Variants in PDHX observed in about 807,000 individuals in gnomAD.
PDHX encodes pyruvate dehydrogenase complex component X, also known as pyruvate dehydrogenase protein X component, mitochondrial.
In PDHX, 33 loss-of-function variants were observed where a neutral mutation model predicts 55.3. That is an observed-to-expected ratio of 0.60 (90% CI 0.45 to 0.80). PDHX has a LOEUF of 0.80. PDHX is among the 30% of genes least tolerant of loss of function. PDHX has a pLI of 0.00. For missense variants in PDHX, 622 were observed against 619.9 expected, an observed-to-expected ratio of 1.00 and a Z score of -0.04; for synonymous variants, 226 against 219.4, an observed-to-expected ratio of 1.03 and a Z score of -0.27.
At chr11:34,961,329 C>G (rs1166525609) in intron 5 of PDHX, among the ~76,000 whole-genome samples, 1 of 152,116 alleles carries the variant, frequency 6.6e-6, no homozygotes, top group Non-Finnish European at 1.5e-5. Flanking sequence ...GGCCCCTGTT[C>G]TGTTGAAACT....
intron 7 of PDHX, among the ~76,000 whole-genome samples, chr11:34,971,751 A>AT (rs1431937920): frequency 2.0e-5 from 3 of 151,834 alleles, no homozygotes; most frequent in Non-Finnish European, 1.5e-5. Flanking sequence ...TTCTGGAGAC[A>AT]TTTTTTCAGA....
At chr11:34,955,843 T>C (rs2133971366) in intron 3 of PDHX, among the ~76,000 whole-genome samples, 1 of 152,282 alleles carries the variant, frequency 6.6e-6, no homozygotes, top group East Asian at 1.9e-4. Flanking sequence ...AATGATGTTC[T>C]TTGTACTTGG....
intron 1 of PDHX, among the ~76,000 whole-genome samples, chr11:34,924,038 A>T (rs1565147460): frequency 6.6e-6 from 1 of 152,190 alleles, no homozygotes; most frequent in Admixed American, 6.5e-5. Context: ...CTGTGAATGC[A>T]TCTCTCATTA....
rs184065449 is a variant in PDHX at position 34,980,713 on chromosome 11, C to A, written c.1023+2531C>A. The stretch of plus-strand genomic sequence containing the variant: ...CAATTGAAAAGCAATGTGAAGGTAG[C>A]CTTGCAATGGAAATGAGCGTAGCAT... On this transcript the variant is annotated intron_variant, in intron 8 of 10. Coordinates refer to ENST00000227868, the MANE Select transcript of PDHX (RefSeq NM_003477.3). Among the ~76,000 whole-genome samples the A allele has an allele frequency of 7.2e-5, 11 of 152,066 alleles. No individual in the cohort carries two copies. In the East Asian group the frequency reaches 2.1e-3, roughly 29 times the overall value.
chr11:34,972,430 C>T (rs1855276993), intron 7 of PDHX, among the ~76,000 whole-genome samples: 1 of 149,256 alleles, frequency 6.7e-6, no homozygotes, highest in African/African-American at 2.5e-5. Context: ...CAGGGTCTTG[C>T]TGTGTCACCC....
intron 1 of PDHX, among the ~76,000 whole-genome samples, chr11:34,920,995 T>C (rs1482781107): frequency 6.6e-6 from 1 of 152,194 alleles, no homozygotes; most frequent in Non-Finnish European, 1.5e-5. Flanking sequence ...ACTTCTTTGA[T>C]AGAGTTAATG....
chr11:34,937,368 C>T (rs781663117), intron 2 of PDHX, among the ~76,000 whole-genome samples: 2 of 151,400 alleles, frequency 1.3e-5, no homozygotes, highest in Non-Finnish European at 2.9e-5. Flanking sequence ...CAAGTGTCCC[C>T]ACATCTGGAG....
intron 6 of PDHX, among the ~76,000 whole-genome samples, chr11:34,967,425 A>G (rs1022817660): frequency 7.2e-5 from 11 of 152,230 alleles, no homozygotes; most frequent in African/African-American, 2.2e-4. Flanking sequence ...ATTCTCTACA[A>G]TCTCATGTTT....
At chr11:34,947,941 G>T (rs532424973) in intron 3 of PDHX, among the ~76,000 whole-genome samples, 1 of 152,292 alleles carries the variant, frequency 6.6e-6, no homozygotes, top group East Asian at 1.9e-4. Context: ...GAGCCAACCA[G>T]CGTGTTTGTT....
chr11:34,939,757 G>T (rs932012279), intron 2 of PDHX, among the ~76,000 whole-genome samples: 1 of 151,972 alleles, frequency 6.6e-6, no homozygotes, highest in Non-Finnish European at 1.5e-5. Flanking sequence ...CGTCTTTGTT[G>T]AACTCATGAT....
At chr11:34,985,256 C>G (rs984833859) in intron 9 of PDHX, among the ~76,000 whole-genome samples, 4 of 152,180 alleles carry the variant, frequency 2.6e-5, no homozygotes, top group African/African-American at 9.7e-5. Flanking sequence ...ACCTGGCCAA[C>G]GTGGTGTAAC....
chr11:34,966,735 C>A lies in PDHX; in HGVS notation c.737C>A (p.Pro246His), dbSNP rs759159888. Residue 246 changes from proline to histidine, a missense_variant, in exon 6 of 11, where the codon CCC (proline) becomes CAC (histidine). Transcript: ENST00000227868. ...APTATPTAPS[P>H]LQATAGPSYP... ...ACAGCCACTCCCACAGCACCTTCGC[C>A]CCTACAGGCCACAGCTGGACCATCT... is the stretch of plus-strand genomic sequence containing the variant. 4 of 1,614,034 alleles carry A rather than the reference C, an allele frequency of 2.5e-6. No individual in the cohort carries two copies. The highest frequency in any genetic ancestry group is 2.2e-5 in the East Asian group (1 of 44,900).
chr11:34,988,665 T>G (rs907030318), intron 9 of PDHX, among the ~76,000 whole-genome samples: 4 of 152,206 alleles, frequency 2.6e-5, no homozygotes, highest in Non-Finnish European at 5.9e-5. Context: ...CATAATTAGT[T>G]GATTCACCAG....
At position 34,961,000 on chromosome 11, in the gene PDHX, C is replaced by T. The variant is rs1451043846; in HGVS notation, c.641+482C>T. Among the ~76,000 whole-genome samples, 7 of 152,158 alleles carry T rather than the reference C, an allele frequency of 4.6e-5. No homozygotes were observed. In the South Asian group the frequency reaches 1.5e-3, roughly 32 times the overall value. ...TGATCCATCTGTCCATGAGTTAGTA[C>T]CATACTTTTTTAGTACCACACTTTT... is the stretch of plus-strand genomic sequence containing the variant. On this transcript the variant is annotated intron_variant, in intron 5 of 10. Transcript: ENST00000227868.
intron 2 of PDHX, among the ~76,000 whole-genome samples, chr11:34,946,248 G>T (rs370153407): frequency 1.3e-5 from 2 of 151,468 alleles, no homozygotes; most frequent in South Asian, 2.1e-4. Context: ...TCATTTTTAA[G>T]ATTTCTAATT....
chr11:34,949,941 A>G (rs1854717324), intron 3 of PDHX, among the ~76,000 whole-genome samples: 1 of 152,192 alleles, frequency 6.6e-6, no homozygotes, highest in African/African-American at 2.4e-5. Flanking sequence ...CATGGATATT[A>G]AAACAAATTT....
At chr11:34,921,360 G>C (rs940616363) in intron 1 of PDHX, among the ~76,000 whole-genome samples, 2 of 152,032 alleles carry the variant, frequency 1.3e-5, no homozygotes, top group African/African-American at 4.8e-5. Context: ...GGTGATTCAG[G>C]CCTTTATGCA....
At chr11:34,931,598 T>A in intron 2 of PDHX, 114 bp downstream of exon 2, 1 of 674,542 alleles carries the variant, frequency 1.5e-6, no homozygotes, top group Non-Finnish European at 2.6e-6. Context: ...TTAAATAAAT[T>A]GTGTTCCTTT....
chr11:34,932,487 A>G (rs1178144960), intron 2 of PDHX, among the ~76,000 whole-genome samples: 5 of 152,216 alleles, frequency 3.3e-5, no homozygotes, highest in African/African-American at 9.6e-5. Context: ...AAAGACGCCT[A>G]ACCTTTCAAC....
Sources: gnomAD v4.1 joint callset for allele counts (sites outside exome capture counted in the v4.1 genomes callset) on GRCh38, gnomAD v4.1.1 for gene constraint, MANE v1.5 for transcripts, NCBI Gene and HGNC (gene_info 2026-07-23, HGNC 2026-07-21) for gene names.